Variants in NKAIN2 observed in about 807,000 individuals in gnomAD.
The protein encoded by NKAIN2 is sodium/potassium transporting ATPase interacting 2, also known as sodium/potassium-transporting ATPase subunit beta-1-interacting protein 2.
Under a neutral mutation model 32.6 loss-of-function variants are expected in NKAIN2, and 14 were observed. The observed-to-expected ratio is 0.43, with a 90% confidence interval of 0.28 to 0.67. The LOEUF (loss-of-function observed/expected upper bound fraction) is 0.67, where lower values mean the gene tolerates loss of function less well. Among genes scored for constraint, NKAIN2 ranks in the 30% least tolerant of loss-of-function variants. The probability of loss-of-function intolerance (pLI) is 0.17; values close to 1 mark genes in which losing one functional copy is unlikely to be tolerated. For synonymous variants in NKAIN2, 80 were observed against 87.2 expected, an observed-to-expected ratio of 0.92 and a Z score of 0.46; for missense variants, 198 against 258.3, an observed-to-expected ratio of 0.77 and a Z score of 1.60.
intron 3 of NKAIN2, among the ~76,000 whole-genome samples, chr6:124,463,377 G>A (rs187679215): frequency 1.0e-3 from 158 of 152,030 alleles, no homozygotes; most frequent in Admixed American, 2.1e-3. Flanking sequence ...GTTGCCTTTG[G>A]ATCCCTTAAT....
intron 4 of NKAIN2, among the ~76,000 whole-genome samples, chr6:124,741,635 G>A (rs1777215685): frequency 6.6e-6 from 1 of 151,846 alleles, no homozygotes; most frequent in East Asian, 1.9e-4. Flanking sequence ...TAACCTCAGG[G>A]CAAAAGCAGC....
intron 1 of NKAIN2, among the ~76,000 whole-genome samples, chr6:123,995,771 C>G (rs992513224): frequency 6.6e-6 from 1 of 152,110 alleles, no homozygotes; most frequent in African/African-American, 2.4e-5. Context: ...TGGCTAGATG[C>G]TGTAATAGTT....
Position 124,401,200 on chromosome 6 carries a change from C to A in NKAIN2, c.273+45853C>A, listed in dbSNP as rs60891808. 6.6e-5 allele frequency among the ~76,000 whole-genome samples: 10 copies of A among 152,256 alleles called. No homozygotes were observed. The East Asian group carries it at 1.7e-3, about 26-fold the overall frequency. The stretch of plus-strand genomic sequence containing the variant: ...TGTACCTGTCTCTCAGTACACATTT[C>A]TGAGGAGTATATAATCTTAGAGTGA... On this transcript the variant is annotated intron_variant, in intron 3 of 6. Transcript: ENST00000368417.
At chr6:124,404,249 A>G (rs1773749829) in intron 3 of NKAIN2, among the ~76,000 whole-genome samples, 2 of 152,002 alleles carry the variant, frequency 1.3e-5, no homozygotes, top group South Asian at 2.1e-4. Context: ...GGATTTCTCT[A>G]CTTCTGATTA....
intron 4 of NKAIN2, among the ~76,000 whole-genome samples, chr6:124,684,499 A>ATGTT (rs1195274991): frequency 6.6e-6 from 1 of 152,206 alleles, no homozygotes; most frequent in Non-Finnish European, 1.5e-5. Context: ...CAAAAGAAAA[A>ATGTT]TGTTAGTAAA....
intron 1 of NKAIN2, among the ~76,000 whole-genome samples, chr6:123,917,530 G>A (rs750439937): frequency 7.2e-5 from 11 of 152,174 alleles, no homozygotes; most frequent in African/African-American, 1.2e-4. Flanking sequence ...CAACTATGTC[G>A]TAGCAATGTA....
At chr6:124,260,114 CA>C (rs1794167289) in intron 1 of NKAIN2, among the ~76,000 whole-genome samples, 1 of 151,968 alleles carries the variant, frequency 6.6e-6, no homozygotes. Context: ...TTATTATGTC[CA>C]AAAAATCATT....
intron 1 of NKAIN2, among the ~76,000 whole-genome samples, chr6:123,857,252 TG>T (rs1775590200): frequency 7.3e-6 from 1 of 136,332 alleles, no homozygotes; most frequent in Non-Finnish European, 1.6e-5. Context: ...AAAACAAGCC[TG>T]TGATTTAGAT....
chr6:124,080,592 A>T (rs1783915484), intron 1 of NKAIN2, among the ~76,000 whole-genome samples: 1 of 152,130 alleles, frequency 6.6e-6, no homozygotes, highest in Admixed American at 6.6e-5. Flanking sequence ...TTAGACCAAA[A>T]AACATTGTAC....
chr6:124,736,504 G>A (rs138269442), intron 4 of NKAIN2, among the ~76,000 whole-genome samples: 45 of 151,990 alleles, frequency 3.0e-4, no homozygotes, highest in African/African-American at 1.0e-3. Flanking sequence ...AGAAGTCAAT[G>A]CCTGGCTTCA....
intron 3 of NKAIN2, among the ~76,000 whole-genome samples, chr6:124,454,148 G>A (rs1776233446): frequency 1.4e-5 from 2 of 148,098 alleles, no homozygotes; most frequent in South Asian, 4.3e-4. Context: ...GTGTGTTCAT[G>A]TACATTAGAC....
chr6:124,012,586 G>A (rs969110084), intron 1 of NKAIN2, among the ~76,000 whole-genome samples: 8 of 151,802 alleles, frequency 5.3e-5, no homozygotes, highest in Non-Finnish European at 7.4e-5. Flanking sequence ...CGCCCACCTC[G>A]GCCTCCCAAA....
intron 1 of NKAIN2, among the ~76,000 whole-genome samples, chr6:124,231,797 A>C (rs1792475810): frequency 6.6e-6 from 1 of 152,044 alleles, no homozygotes; most frequent in African/African-American, 2.4e-5. Context: ...CTTTTTCAGC[A>C]GTGTGAAAAT....
intron 1 of NKAIN2, among the ~76,000 whole-genome samples, chr6:123,998,714 TAAAG>T (rs1372079689): frequency 6.7e-6 from 1 of 150,246 alleles, no homozygotes; most frequent in African/African-American, 2.5e-5. Context: ...GATAAATGGA[TAAAG>T]AAATTGTTGT....
At chr6:124,544,447 A>G (rs1780022268) in intron 3 of NKAIN2, among the ~76,000 whole-genome samples, 1 of 152,048 alleles carries the variant, frequency 6.6e-6, no homozygotes, top group South Asian at 2.1e-4. Context: ...GTACAGCTGT[A>G]GAAACTGGAA....
chr6:124,736,127 A>ATCT (rs1776925193), intron 4 of NKAIN2, among the ~76,000 whole-genome samples: 2 of 152,102 alleles, frequency 1.3e-5, no homozygotes, highest in South Asian at 4.1e-4. Flanking sequence ...TCCAATAAAC[A>ATCT]TATAAATGAT....
At chr6:124,300,461 G>C (rs770267347) in intron 2 of NKAIN2, among the ~76,000 whole-genome samples, 3 of 152,116 alleles carry the variant, frequency 2.0e-5, no homozygotes, top group Admixed American at 6.6e-5. Flanking sequence ...CCTGACAATA[G>C]ACTAATATAG....
At chr6:124,411,493 A>T (rs1422690712) in intron 3 of NKAIN2, among the ~76,000 whole-genome samples, 1 of 152,050 alleles carries the variant, frequency 6.6e-6, no homozygotes, top group Non-Finnish European at 1.5e-5. Context: ...TTTCTTTAAG[A>T]ATGCTGAATA....
chr6:124,344,313 G>A (rs564146101), intron 2 of NKAIN2, among the ~76,000 whole-genome samples: 72 of 152,010 alleles, frequency 4.7e-4, no homozygotes, highest in African/African-American at 1.6e-3. Flanking sequence ...TTGGTGATGC[G>A]GGCTCTTTTT....
Sources: gnomAD v4.1 joint callset for allele counts (sites outside exome capture counted in the v4.1 genomes callset) on GRCh38, gnomAD v4.1.1 for gene constraint, MANE v1.5 for transcripts, NCBI Gene and HGNC (gene_info 2026-07-23, HGNC 2026-07-21) for gene names.